SLC24A2: variants seen among roughly 807,000 people sequenced by gnomAD.
SLC24A2 encodes the protein sodium/potassium/calcium exchanger 2.
In SLC24A2, 36 loss-of-function variants were observed where a neutral mutation model predicts 62.0. The observed-to-expected ratio is 0.58, with a 90% CI of 0.44 to 0.77. The LOEUF (loss-of-function observed/expected upper bound fraction) is 0.77, where lower values mean the gene tolerates loss of function less well. Among genes scored for constraint, SLC24A2 ranks in the 30% least tolerant of loss-of-function variants. SLC24A2 has a pLI of 0.00. For synonymous variants in SLC24A2, 358 were observed against 294.0 expected (o/e 1.22, Z -2.23); for missense variants, 846 against 817.9 (o/e 1.03, Z -0.42).
rs140944576 is a variant in SLC24A2 at position 19,661,478 on chromosome 9, G to A, written c.931-39179C>T. Among the ~76,000 whole-genome samples the A allele has an allele frequency of 2.3e-3, 345 of 151,866 alleles. 4 individuals are homozygous for A. Among genetic ancestry groups the A allele is most frequent in the African/African-American group, 7.4e-3 (306 of 41,450 alleles). On this transcript the variant is annotated intron_variant, in intron 2 of 10. Coordinates refer to ENST00000341998, the MANE Select transcript of SLC24A2 (RefSeq NM_020344.4). Reference sequence around the variant, plus strand: ...TCAGAATTTATTGTAAAATCATCACGTCCAGGGATATCCTTCTTCTAAGTA... The same window carrying A: ...TCAGAATTTATTGTAAAATCATCACATCCAGGGATATCCTTCTTCTAAGTA...
chr9:20,050,401 G>A, the SLC24A2 span, among the ~76,000 whole-genome samples: 2 of 152,026 alleles, frequency 1.3e-5, no homozygotes, highest in Admixed American at 6.6e-5. Context: ...GGATGACAGA[G>A]GAAGACTGTG....
At chr9:19,655,901 G>A (rs778574135) in intron 2 of SLC24A2, among the ~76,000 whole-genome samples, 8 of 152,114 alleles carry the variant, frequency 5.3e-5, no homozygotes, top group African/African-American at 9.7e-5. Context: ...GAAGGGCACC[G>A]TGGCTTGACA....
At chr9:20,032,223 G>C in the SLC24A2 span, among the ~76,000 whole-genome samples, 18 of 152,282 alleles carry the variant, frequency 1.2e-4, no homozygotes, top group East Asian at 3.5e-3. Context: ...TCAAATGGGA[G>C]ATACTTCAAT....
At chr9:19,844,533 T>A in the SLC24A2 span, among the ~76,000 whole-genome samples, 1 of 152,154 alleles carries the variant, frequency 6.6e-6, no homozygotes, top group Non-Finnish European at 1.5e-5. Flanking sequence ...GTTCCATTTG[T>A]CAATTTTTTT....
At chr9:19,816,198 C>T in the SLC24A2 span, among the ~76,000 whole-genome samples, 3 of 151,988 alleles carry the variant, frequency 2.0e-5, no homozygotes, top group East Asian at 1.9e-4. Flanking sequence ...ACCTAGTTGG[C>T]GAGTGGCTTT....
At chr9:19,918,760 C>CT in the SLC24A2 span, among the ~76,000 whole-genome samples, 344 of 152,302 alleles carry the variant, frequency 2.3e-3, 6 homozygotes, top group East Asian at 0.06. Flanking sequence ...AGCCCAAAGC[C>CT]TGGGAGGCAG....
the SLC24A2 span, among the ~76,000 whole-genome samples, chr9:19,925,038 G>A: frequency 6.6e-6 from 1 of 152,178 alleles, no homozygotes; most frequent in Non-Finnish European, 1.5e-5. Flanking sequence ...TCTATAGCAT[G>A]CTTGGACCCT....
chr9:19,920,150 G>C, the SLC24A2 span, among the ~76,000 whole-genome samples: 1 of 151,968 alleles, frequency 6.6e-6, no homozygotes, highest in Non-Finnish European at 1.5e-5. Context: ...TGAAGTTTCT[G>C]CTAAGAAAAT....
intron 2 of SLC24A2, among the ~76,000 whole-genome samples, chr9:19,622,595 T>G (rs1465753133): frequency 2.0e-5 from 3 of 152,220 alleles, no homozygotes; most frequent in African/African-American, 7.2e-5. Flanking sequence ...AGTGGAATAC[T>G]ATGTGATCAT....
At chr9:19,934,921 G>T in the SLC24A2 span, among the ~76,000 whole-genome samples, 1 of 152,180 alleles carries the variant, frequency 6.6e-6, no homozygotes, top group East Asian at 1.9e-4. The surrounding 1 kb of genome is among the most constrained non-coding windows in gnomAD (Gnocchi z 4.1). Context: ...GAGCTGGCAG[G>T]GGTCTCATGG....
At chr9:19,568,636 C>A (rs530490151) in intron 7 of SLC24A2, among the ~76,000 whole-genome samples, 2 of 152,202 alleles carry the variant, frequency 1.3e-5, no homozygotes, top group Non-Finnish European at 2.9e-5. Context: ...TCCAGGGTCA[C>A]ACAGCTGGTA....
At chr9:20,100,605 C>T in the SLC24A2 span, among the ~76,000 whole-genome samples, 1 of 152,166 alleles carries the variant, frequency 6.6e-6, no homozygotes, top group Non-Finnish European at 1.5e-5. Flanking sequence ...GTATCTAACA[C>T]AGTGTCTGAC....
the SLC24A2 span, among the ~76,000 whole-genome samples, chr9:20,266,894 A>C: frequency 6.6e-5 from 10 of 152,232 alleles, no homozygotes; most frequent in Non-Finnish European, 1.2e-4. Flanking sequence ...CCTGGTCAAC[A>C]GAATGAGACC....
At chr9:20,167,917 A>G in the SLC24A2 span, among the ~76,000 whole-genome samples, 1 of 151,322 alleles carries the variant, frequency 6.6e-6, no homozygotes, top group Non-Finnish European at 1.5e-5. Context: ...ACTGCTGGCA[A>G]TTTTTAGGCT....
At chr9:20,241,271 CTGA>C in the SLC24A2 span, among the ~76,000 whole-genome samples, 1 of 152,182 alleles carries the variant, frequency 6.6e-6, no homozygotes, top group East Asian at 1.9e-4. Flanking sequence ...TGAATGAGTT[CTGA>C]AGTCAAATAA....
the SLC24A2 span, among the ~76,000 whole-genome samples, chr9:20,134,122 T>C: frequency 6.6e-6 from 1 of 152,148 alleles, no homozygotes; most frequent in East Asian, 1.9e-4. Flanking sequence ...GCTGTGGATA[T>C]GGAGAGCCAG....
At chr9:20,188,054 T>C in the SLC24A2 span, among the ~76,000 whole-genome samples, 1 of 152,226 alleles carries the variant, frequency 6.6e-6, no homozygotes, top group African/African-American at 2.4e-5. Flanking sequence ...GCATCATGCC[T>C]GTGTCCTGAT....
the SLC24A2 span, among the ~76,000 whole-genome samples, chr9:20,266,917 A>T: frequency 3.9e-5 from 6 of 152,118 alleles, no homozygotes; most frequent in Non-Finnish European, 7.4e-5. Flanking sequence ...ATCTCCACAA[A>T]ACTAAATTAA....
At chr9:20,230,132 G>C in the SLC24A2 span, among the ~76,000 whole-genome samples, 18 of 152,132 alleles carry the variant, frequency 1.2e-4, no homozygotes, top group Non-Finnish European at 2.2e-4. Context: ...CCAGTCTATT[G>C]TTGTTGGACA....
Sources: allele counts gnomAD v4.1 joint callset (sites outside exome capture counted in the v4.1 genomes callset), GRCh38; gene constraint gnomAD v4.1.1; non-coding constraint Gnocchi (gnomAD v3.1); transcripts MANE v1.5; gene names NCBI Gene and HGNC (gene_info 2026-07-23, HGNC 2026-07-21).